The following FSCN2 variants were observed in gnomAD, a reference collection of about 807,000 sequenced individuals.
FSCN2 encodes fascin-2.
In FSCN2, 46 loss-of-function variants were observed where a neutral mutation model predicts 37.8. The observed-to-expected ratio is 1.22, with a 90% CI of 0.96 to 1.56. FSCN2 has a LOEUF of 1.56. FSCN2 is among the 40% of genes most tolerant of loss of function. The pLI is 0.00. For synonymous variants in FSCN2, 351 were observed against 309.4 expected (o/e 1.13, Z -1.41); for missense variants, 844 against 730.4 (o/e 1.16, Z -1.79).
the FSCN2 span, chr17:81,519,167 C>A: frequency 6.6e-6 from 1 of 152,392 alleles, no homozygotes; most frequent in East Asian, 1.9e-4. Context: ...TGCGGGGTCG[C>A]GGCGGTCCAG....
chr17:81,532,968 G>T (rs978271210), intron 1 of FSCN2, among the ~76,000 whole-genome samples: 1 of 152,160 alleles, frequency 6.6e-6, no homozygotes, highest in African/African-American at 2.4e-5. Context: ...AGGGCTGAGG[G>T]TGAGGACCCA....
In FSCN2 at chr17:81,528,455, C is replaced by A; in HGVS notation, c.-77C>A. The A allele has an allele frequency of 8.7e-7, 1 of 1,146,088 alleles. No homozygotes were observed. The highest frequency in any genetic ancestry group is 1.2e-6 in the Non-Finnish European group (1 of 802,666). The allele number at this position is 1,146,088 out of a possible 1,614,324, so 71.0% of individuals were successfully genotyped here. ...TGTGGGCCAGCCGAGCCGACCCGGG[C>A]TTCTGGGGGACCGCGGGGGCCGTGA... On this transcript the variant is annotated 5_prime_UTR_variant, in exon 1 of 5. Coordinates refer to ENST00000417245, the MANE Select transcript of FSCN2 (RefSeq NM_012418.4).
chr17:81,528,179 G>A (rs1001854942), upstream of FSCN2, among the ~76,000 whole-genome samples: 1 of 152,192 alleles, frequency 6.6e-6, no homozygotes, highest in Non-Finnish European at 1.5e-5. Flanking sequence ...AGGAAAAGGG[G>A]ATCAACCCTG....
In FSCN2 at chr17:81,529,186, C is replaced by T; in HGVS notation, c.655C>T (p.Leu219=). 1 of 1,595,182 alleles carries T rather than the reference C, an allele frequency of 6.3e-7. No individual in the cohort carries two copies. Among genetic ancestry groups the T allele is most frequent in the African/African-American group, 1.3e-5 (1 of 74,672 alleles). Residue 219 remains leucine (L), a synonymous_variant, in exon 1 of 5, where the codon CTG becomes TTG. Coordinates refer to ENST00000417245, the MANE Select transcript of FSCN2 (RefSeq NM_012418.4). ...CYTLEFKAGK[L]AFKDCDGHYL... is the part of the protein sequence containing the mutation. ...CACGCTGGAGTTCAAGGCGGGCAAG[C>T]TGGCCTTCAAGGACTGCGACGGCCA...
the FSCN2 span, among the ~76,000 whole-genome samples, chr17:81,516,384 C>T: frequency 6.6e-6 from 1 of 152,184 alleles, no homozygotes; most frequent in Non-Finnish European, 1.5e-5. Flanking sequence ...TAAAGTTCTC[C>T]CATAATAAAA....
chr17:81,532,038 A>ATAG (rs1317602029), intron 1 of FSCN2, among the ~76,000 whole-genome samples: 1 of 118,146 alleles, frequency 8.5e-6, no homozygotes, highest in Non-Finnish European at 1.8e-5. Flanking sequence ...GATGGTGATG[A>ATAG]TGATGGTGAT....
At chr17:81,531,329 GGT>G (rs1555671262) in intron 1 of FSCN2, among the ~76,000 whole-genome samples, 4 of 139,590 alleles carry the variant, frequency 2.9e-5, no homozygotes, top group African/African-American at 1.1e-4. Context: ...TGATGGTGGT[GGT>G]GGTGATGGTG....
intron 1 of FSCN2, among the ~76,000 whole-genome samples, chr17:81,533,506 T>C (rs1222830027): frequency 6.6e-6 from 1 of 152,162 alleles, no homozygotes; most frequent in East Asian, 1.9e-4. Context: ...GCCCTCACGG[T>C]AGTAATGTGG....
At chr17:81,534,274 TG>T (rs200010582) in intron 1 of FSCN2, among the ~76,000 whole-genome samples, 12,137 of 152,078 alleles carry the variant, frequency 0.08, 1,453 homozygotes, top group African/African-American at 0.25. Flanking sequence ...TCAGGCCCTG[TG>T]GGGGCTCTGC....
Position 81,528,482 on chromosome 17 carries a change from C to T in FSCN2, c.-50C>T, listed in dbSNP as rs1555670459. 2.2e-6 allele frequency: 3 copies of T among 1,374,276 alleles called. No individual in the cohort carries two copies. The highest frequency in any genetic ancestry group is 3.0e-6 in the Non-Finnish European group (3 of 993,340). The allele number at this position is 1,374,276 out of a possible 1,614,324, so 85.1% of individuals were successfully genotyped here. On this transcript the variant is annotated 5_prime_UTR_variant, in exon 1 of 5. Transcript: ENST00000417245. The stretch of plus-strand genomic sequence containing the variant: ...TCTGGGGGACCGCGGGGGCCGTGAG[C>T]ACTCAGAGGGCGCATCCCAGGCCCC...
At chr17:81,522,270 G>T in the FSCN2 span, among the ~76,000 whole-genome samples, 1 of 152,220 alleles carries the variant, frequency 6.6e-6, no homozygotes, top group Non-Finnish European at 1.5e-5. Flanking sequence ...CTCCAAAAGT[G>T]CTTGAATTAC....
chr17:81,535,462 T>C (rs1314852862), intron 2 of FSCN2, among the ~76,000 whole-genome samples: 1 of 47,176 alleles, frequency 2.1e-5, no homozygotes, highest in Non-Finnish European at 3.7e-5. Context: ...CCCATCTCCA[T>C]CCCCACCACC....
the FSCN2 span, among the ~76,000 whole-genome samples, chr17:81,522,334 A>G: frequency 6.6e-6 from 1 of 152,194 alleles, no homozygotes; most frequent in Non-Finnish European, 1.5e-5. Context: ...TGTTCTCTGC[A>G]CCATTTCATT....
rs1384630887 is a variant in FSCN2 at position 81,528,498 on chromosome 17, C to T, written c.-34C>T. The T allele has an allele frequency of 1.3e-6, 2 of 1,509,908 alleles. No homozygotes were observed. Among genetic ancestry groups the T allele is most frequent in the Non-Finnish European group, 1.8e-6 (2 of 1,109,174 alleles). The allele number at this position is 1,509,908 out of a possible 1,614,324, so 93.5% of individuals were successfully genotyped here. A position where few individuals can be genotyped will look rare whatever the true frequency, so the allele number is the denominator to read the frequency against. ...GGCCGTGAGCACTCAGAGGGCGCAT[C>T]CCAGGCCCCTCCGGGGACCCGGCCA... On this transcript the variant is annotated 5_prime_UTR_variant, in exon 1 of 5. Coordinates refer to ENST00000417245, the MANE Select transcript of FSCN2 (RefSeq NM_012418.4).
At chr17:81,519,360 C>A in the FSCN2 span, among the ~76,000 whole-genome samples, 1 of 152,190 alleles carries the variant, frequency 6.6e-6, no homozygotes, top group Non-Finnish European at 1.5e-5. Context: ...GCCCAGGACC[C>A]GCACTCAGCA....
In FSCN2 at chr17:81,536,365, C is replaced by T; in HGVS notation, c.1105+98C>T. ...CATCTCCACCAAGAGCTGGACCCTCCCCAGCCCACGGAACGGGTGCTGTCA... is the reference window on the plus strand; with the variant it reads ...CATCTCCACCAAGAGCTGGACCCTCTCCAGCCCACGGAACGGGTGCTGTCA... On this transcript the variant is annotated intron_variant, in intron 3 of 4. Transcript: ENST00000417245. 3 of 1,481,556 alleles carry T rather than the reference C, an allele frequency of 2.0e-6. No homozygotes were observed. The South Asian group carries it at 3.8e-5, about 19-fold the overall frequency. 91.8% of individuals were successfully genotyped at this position (1,481,556 alleles called of 1,614,324 possible). A position where few individuals can be genotyped will look rare whatever the true frequency, so the allele number is the denominator to read the frequency against.
At chr17:81,534,221 C>A (rs544166253) in intron 1 of FSCN2, among the ~76,000 whole-genome samples, 12 of 152,118 alleles carry the variant, frequency 7.9e-5, no homozygotes, top group Non-Finnish European at 1.3e-4. Flanking sequence ...AGCCTGGCAT[C>A]CTCTCCCCTG....
chr17:81,532,518 A>ATAG (rs2032721174), intron 1 of FSCN2, among the ~76,000 whole-genome samples: 1 of 30,626 alleles, frequency 3.3e-5, no homozygotes, highest in Non-Finnish European at 6.1e-5. Flanking sequence ...AATGGTGACG[A>ATAG]TGGTGATGAT....
chr17:81,526,086 CA>C (rs1427930276), upstream of FSCN2, among the ~76,000 whole-genome samples: 1 of 152,254 alleles, frequency 6.6e-6, no homozygotes. Flanking sequence ...GAGCCAGGCC[CA>C]CTTAGTGCCG....
Sources: gnomAD v4.1 joint callset for allele counts (sites outside exome capture counted in the v4.1 genomes callset) on GRCh38, gnomAD v4.1.1 for gene constraint, MANE v1.5 for transcripts, NCBI Gene and HGNC (gene_info 2026-07-23, HGNC 2026-07-21) for gene names.